The following TBC1D24 variants were observed in gnomAD, a reference collection of about 807,000 sequenced individuals.
The protein encoded by TBC1D24 is TBC1 domain family member 24, also known as Infantile myoclonic epilepsy.
Under a neutral mutation model 50.7 loss-of-function variants are expected in TBC1D24, and 47 were observed. That is an observed-to-expected ratio of 0.93 (90% CI 0.73 to 1.18). The LOEUF is 1.18. Among genes scored for constraint, TBC1D24 ranks in the 50% most tolerant of loss-of-function variants. The pLI is 0.00. For synonymous variants in TBC1D24, 324 were observed against 335.2 expected (o/e 0.97, Z 0.36); for missense variants, 688 against 766.5 (o/e 0.90, Z 1.21).
At position 2,487,893 on chromosome 16, in the gene TBC1D24, G is replaced by A. The variant is rs911507941; in HGVS notation, c.-115-8141G>A. ...TCTGGAGCCTCTCTCGGAGGTCCTCGCTGTCCCAGGATGAAGGGAGATGGA... is the reference window on the plus strand; with the variant it reads ...TCTGGAGCCTCTCTCGGAGGTCCTCACTGTCCCAGGATGAAGGGAGATGGA... On this transcript the variant is annotated intron_variant, in intron 1 of 7. Transcript: ENST00000646147. This position sits in a 1 kb window ranked among gnomAD's most constrained non-coding sequence, Gnocchi z 4.1. Among the ~76,000 whole-genome samples, 2 of 152,140 alleles carry A rather than the reference G, an allele frequency of 1.3e-5. No homozygotes were observed. The highest frequency in any genetic ancestry group is 2.4e-5 in the African/African-American group (1 of 41,440).
intron 1 of TBC1D24, among the ~76,000 whole-genome samples, chr16:2,495,478 T>C (rs1168155129): frequency 6.6e-6 from 1 of 151,964 alleles, no homozygotes; most frequent in African/African-American, 2.4e-5. Flanking sequence ...AGACCCTGTC[T>C]CTACAAAAAA....
rs1235091571 is a variant in TBC1D24, at chr16:2,503,607, G to A, written c.*2649G>A. The A allele has an allele frequency of 1.3e-5, 2 of 150,620 alleles. No homozygotes were observed. The highest frequency in any genetic ancestry group is 4.9e-5 in the African/African-American group (2 of 40,980). 9.3% of individuals were successfully genotyped at this position (150,620 alleles called of 1,614,324 possible). A position where few individuals can be genotyped will look rare whatever the true frequency, so the allele number is the denominator to read the frequency against. On this transcript the variant is annotated 3_prime_UTR_variant, in exon 8 of 8. Transcript: ENST00000646147. Reference sequence around the variant, plus strand: ...TTGGGACAGAGTCACCCAGGCTGGAGTGCAGTGGCATGATCTTGGCTCACT... The same window carrying A: ...TTGGGACAGAGTCACCCAGGCTGGAATGCAGTGGCATGATCTTGGCTCACT...
chr16:2,500,147 C>A lies in TBC1D24; in HGVS notation c.1303-121C>A. The A allele has an allele frequency of 9.0e-7, 1 of 1,109,244 alleles. No homozygotes were observed. The highest frequency in any genetic ancestry group is 1.3e-6 in the Non-Finnish European group (1 of 748,868). The allele number at this position is 1,109,244 out of a possible 1,614,324, so 68.7% of individuals were successfully genotyped here. ...GAGCCACCAGCTCCCCAGCCCCTGG[C>A]TCGGGCTGCACCCACCTTGGGCTCT... On this transcript the variant is annotated intron_variant, in intron 6 of 7. Transcript: ENST00000646147. This position sits in a 1 kb window ranked among gnomAD's most constrained non-coding sequence, Gnocchi z 8.0.
rs762678981 is a variant in TBC1D24, at chr16:2,499,904, G to A, written c.1276G>A (p.Gly426Arg). 3.1e-6 allele frequency: 5 copies of A among 1,614,004 alleles called. No homozygotes were observed. Reference protein sequence around the residue: ...NKFGGKLGFFGTGECFVFRLQ... With the variant: ...NKFGGKLGFFRTGECFVFRLQ... ...GTTTGGAGGCAAACTGGGCTTCTTT[G>A]GGACCGGAGAATGCTTTGTGTTTAG... is the stretch of plus-strand genomic sequence containing the variant. The change falls in exon 6 of 8, where the codon GGG becomes AGG. Residue 426 changes from glycine (G) to arginine (R), a missense_variant. Coordinates refer to ENST00000646147, the MANE Select transcript of TBC1D24 (RefSeq NM_001199107.2). The surrounding 1 kb of genome is among the most constrained non-coding windows in gnomAD (Gnocchi z 4.0).
chr16:2,501,318 G>C lies in TBC1D24; in HGVS notation c.*360G>C, dbSNP rs1420669177. The C allele has an allele frequency of 3.1e-6, 1 of 318,440 alleles. No individual in the cohort carries two copies. Among genetic ancestry groups the C allele is most frequent in the Non-Finnish European group, 6.0e-6 (1 of 166,380 alleles). 19.7% of individuals were successfully genotyped at this position (318,440 alleles called of 1,614,324 possible). On this transcript the variant is annotated 3_prime_UTR_variant, in exon 8 of 8. Transcript: ENST00000646147. ...CTCTCTAGGCAGCCTGAGCCCCTGG[G>C]GTGGGAGTACAACGGCAGTGGGAAC... is the stretch of plus-strand genomic sequence containing the variant.
Position 2,500,681 on chromosome 16 carries a change from G to A in TBC1D24, c.1526-123G>A. 2 of 1,398,884 alleles carry A rather than the reference G, an allele frequency of 1.4e-6. No individual in the cohort carries two copies. The highest frequency in any genetic ancestry group is 2.7e-5 in the South Asian group (2 of 72,898). 86.7% of individuals were successfully genotyped at this position (1,398,884 alleles called of 1,614,324 possible). On this transcript the variant is annotated intron_variant, in intron 7 of 7. Coordinates refer to ENST00000646147, the MANE Select transcript of TBC1D24 (RefSeq NM_001199107.2). This position sits in a 1 kb window ranked among gnomAD's most constrained non-coding sequence, Gnocchi z 8.0. Reference sequence around the variant, plus strand: ...ACAGCTGGTCCTGGGGGCTATGGAGGGTCAACGGTCTGTGCGGTTTCAGAG... The same window carrying A: ...ACAGCTGGTCCTGGGGGCTATGGAGAGTCAACGGTCTGTGCGGTTTCAGAG...
rs780054979 is a variant in TBC1D24, at chr16:2,500,960, G to T, written c.*2G>T. 2 of 1,609,728 alleles carry T rather than the reference G, an allele frequency of 1.2e-6. No homozygotes were observed. Among genetic ancestry groups the T allele is most frequent in the East Asian group, 2.2e-5 (1 of 44,884 alleles). ...TTCCAGGACCCTGACACCCAGTGACGGCCTGTGCCACGGTGACTGAGCCGT... is the reference window on the plus strand; with the variant it reads ...TTCCAGGACCCTGACACCCAGTGACTGCCTGTGCCACGGTGACTGAGCCGT... On this transcript the variant is annotated 3_prime_UTR_variant, in exon 8 of 8. Coordinates refer to ENST00000646147, the MANE Select transcript of TBC1D24 (RefSeq NM_001199107.2). This position sits in a 1 kb window ranked among gnomAD's most constrained non-coding sequence, Gnocchi z 8.0.
chr16:2,492,935 A>T (rs1429313243), intron 1 of TBC1D24, among the ~76,000 whole-genome samples: 1 of 151,762 alleles, frequency 6.6e-6, no homozygotes, highest in Non-Finnish European at 1.5e-5. Flanking sequence ...TCTACTAAAA[A>T]TACAAAATTA....
In TBC1D24 at chr16:2,498,257, G is replaced by T; in HGVS notation, c.1003G>T (p.Val335Phe). Residue 335 changes from valine to phenylalanine, a missense_variant, in exon 4 of 8, where the codon GTC (valine) becomes TTC (phenylalanine). Val to Phe is a conservative substitution (Grantham distance 50). Transcript: ENST00000646147. ...CCTCAGGCAGTTTGTACACTTGGCC[G>T]TCCATGCAGAGAACTTCCGCTCGGA... ...LSKRQFVHLA[V>F]HAENFRSEIV... 6.2e-7 allele frequency: 1 copy of T among 1,610,488 alleles called. No homozygotes were observed. Among genetic ancestry groups the T allele is most frequent in the Non-Finnish European group, 8.5e-7 (1 of 1,178,366 alleles).
intron 2 of TBC1D24, 93 bp from the exon 3 acceptor site, chr16:2,497,617 C>A: frequency 7.6e-7 from 1 of 1,314,314 alleles, no homozygotes. Flanking sequence ...TCTGGGCCAG[C>A]AAAGGCCTGT....
chr16:2,493,435 G>T (rs2065712816), intron 1 of TBC1D24, among the ~76,000 whole-genome samples: 1 of 152,108 alleles, frequency 6.6e-6, no homozygotes. Flanking sequence ...CACCGCGTCC[G>T]GCCTAACATG....
chr16:2,495,992 C>G (rs1382370425), intron 1 of TBC1D24, 42 bp from the exon 2 acceptor site: 1 of 931,884 alleles, frequency 1.1e-6, no homozygotes, highest in Non-Finnish European at 1.6e-6. Flanking sequence ...AAAATGTGAA[C>G]CTTGAAACAC....
At chr16:2,488,372 G>A (rs1393104230) in intron 1 of TBC1D24, among the ~76,000 whole-genome samples, 13 of 152,260 alleles carry the variant, frequency 8.5e-5, no homozygotes, top group African/African-American at 2.6e-4. Context: ...CTCACATGTG[G>A]TAGAGCCAGA....
chr16:2,477,183 T>G (rs1213150807), intron 1 of TBC1D24: 1 of 152,254 alleles, frequency 6.6e-6, no homozygotes, highest in Non-Finnish European at 1.5e-5. Context: ...AACATTGCCT[T>G]TCAATTGGAG....
At chr16:2,494,549 G>C (rs2065722133) in intron 1 of TBC1D24, among the ~76,000 whole-genome samples, 4 of 152,106 alleles carry the variant, frequency 2.6e-5, no homozygotes, top group African/African-American at 9.7e-5. Flanking sequence ...TGCTCGAGTG[G>C]AAAGGTGTTT....
intron 1 of TBC1D24, among the ~76,000 whole-genome samples, chr16:2,494,591 A>G (rs186913193): frequency 1.7e-4 from 26 of 151,754 alleles, no homozygotes; most frequent in African/African-American, 6.0e-4. Context: ...TTTGGTAGAG[A>G]TGGGGTCTCA....
chr16:2,477,392 G>T lies in TBC1D24; in HGVS notation c.-116+2222G>T, dbSNP rs535174298. The T allele has an allele frequency of 5.3e-5, 8 of 152,288 alleles. No individual in the cohort carries two copies. In the East Asian group the frequency reaches 1.5e-3, roughly 29 times the overall value. 9.4% of individuals were successfully genotyped at this position (152,288 alleles called of 1,614,324 possible). A position where few individuals can be genotyped will look rare whatever the true frequency, so the allele number is the denominator to read the frequency against. On this transcript the variant is annotated intron_variant, in intron 1 of 7. Transcript: ENST00000646147. Reference sequence around the variant, plus strand: ...GTTCAAGACCACCTTGGGCAACATAGGGAGGTCTCGTCTCTATAAAAAATT... The same window carrying T: ...GTTCAAGACCACCTTGGGCAACATATGGAGGTCTCGTCTCTATAAAAAATT...
rs117053158 is a variant in TBC1D24 at position 2,499,227 on chromosome 16, G to A, written c.1143-130G>A. 4.9e-6 allele frequency: 4 copies of A among 823,292 alleles called. No homozygotes were observed. The highest frequency in any genetic ancestry group is 8.2e-6 in the Non-Finnish European group (4 of 488,374). 51.0% of individuals were successfully genotyped at this position (823,292 alleles called of 1,614,324 possible). On this transcript the variant is annotated intron_variant, in intron 4 of 7. Coordinates refer to ENST00000646147, the MANE Select transcript of TBC1D24 (RefSeq NM_001199107.2). The surrounding 1 kb of genome is among the most constrained non-coding windows in gnomAD (Gnocchi z 4.0). ...AGAAGAACACCTGGGTGAGGGTGTT[G>A]TCGGGACCCAGAGAGAAGGAAGCAC...
At position 2,504,843 on chromosome 16, in the gene TBC1D24, C is replaced by T. The variant is rs531065556; in HGVS notation, c.*3885C>T. On this transcript the variant is annotated 3_prime_UTR_variant, in exon 8 of 8. Transcript: ENST00000646147. ...CACAAAACCACTGGTCAAAAAAACC[C>T]AAATGGCCACTAATTAGGCAATACA... 2 of 152,244 alleles carry T rather than the reference C, an allele frequency of 1.3e-5. No individual in the cohort carries two copies. Among genetic ancestry groups the T allele is most frequent in the South Asian group, 4.1e-4 (2 of 4,822 alleles). 9.4% of individuals were successfully genotyped at this position (152,244 alleles called of 1,614,324 possible). A position where few individuals can be genotyped will look rare whatever the true frequency, so the allele number is the denominator to read the frequency against.
Sources: gnomAD v4.1 joint callset for allele counts (sites outside exome capture counted in the v4.1 genomes callset) on GRCh38, gnomAD v4.1.1 for gene constraint, Gnocchi (gnomAD v3.1) non-coding constraint, MANE v1.5 for transcripts, NCBI Gene and HGNC (gene_info 2026-07-23, HGNC 2026-07-21) for gene names.